The following PLA2G12A variants were observed in gnomAD, a reference collection of about 807,000 sequenced individuals.
The protein encoded by PLA2G12A is group XIIA secretory phospholipase A2.
PLA2G12A carries 11 observed loss-of-function variants against 16.0 expected under a neutral mutation model. The ratio of observed to expected loss-of-function variants is 0.69; its 90% confidence interval spans 0.43 to 1.13. The LOEUF (loss-of-function observed/expected upper bound fraction) is 1.13, where lower values mean the gene tolerates loss of function less well. PLA2G12A is among the 50% of genes most tolerant of loss of function. The pLI, the probability that PLA2G12A is intolerant of heterozygous loss-of-function variation, is 0.00. For synonymous variants in PLA2G12A, 77 were observed against 93.8 expected (o/e 0.82, Z 1.03); for missense variants, 214 against 237.3 (o/e 0.90, Z 0.65).
At chr4:109,729,236 A>G (rs369835067) in intron 1 of PLA2G12A, among the ~76,000 whole-genome samples, 38 of 152,276 alleles carry the variant, frequency 2.5e-4, no homozygotes, top group African/African-American at 8.9e-4. Flanking sequence ...CATCCAATTT[A>G]CAGAAGCAAA....
Position 109,714,386 on chromosome 4 carries a change from A to G in PLA2G12A, c.561T>C (p.Thr187=). The G allele has an allele frequency of 1.2e-6, 2 of 1,608,850 alleles. No homozygotes were observed. Among genetic ancestry groups the G allele is most frequent in the Non-Finnish European group, 1.7e-6 (2 of 1,175,214 alleles). Residue 187 remains threonine, a synonymous_variant, in exon 4 of 4, where the codon ACT becomes ACC. Transcript: ENST00000243501. ...AACRCHYEEK[T]DL ...GCTGTCGGCATCTCCTTTAAAGATC[A>G]GTTTTTTCTTCATAATGACACCTGC...
At chr4:109,714,813 C>T (rs1052238652) in intron 3 of PLA2G12A, among the ~76,000 whole-genome samples, 1 of 150,458 alleles carries the variant, frequency 6.6e-6, no homozygotes, top group Non-Finnish European at 1.5e-5. Flanking sequence ...TAGCTTACTG[C>T]AGTCTCCACA....
chr4:109,718,047 T>A (rs1730858537), intron 2 of PLA2G12A, among the ~76,000 whole-genome samples: 1 of 152,198 alleles, frequency 6.6e-6, no homozygotes, highest in Non-Finnish European at 1.5e-5. Flanking sequence ...CATTAAAGAT[T>A]CTCCAGGGGC....
intron 1 of PLA2G12A, among the ~76,000 whole-genome samples, chr4:109,720,588 AAAAAAAAAAAAAAAAAATAT>A (rs1466034733): frequency 7.4e-4 from 48 of 65,286 alleles, no homozygotes; most frequent in African/African-American, 1.5e-3. Flanking sequence ...AAAAAAAAAA[AAAAAAAAAAAAAAAAAATAT>A]ATATATATAT....
Sources: allele counts gnomAD v4.1 joint callset (sites outside exome capture counted in the v4.1 genomes callset), GRCh38; gene constraint gnomAD v4.1.1; transcripts MANE v1.5; gene names NCBI Gene and HGNC (gene_info 2026-07-23, HGNC 2026-07-21).